The following SLC17A1 variants were observed in gnomAD, a reference collection of about 807,000 sequenced individuals.
SLC17A1 encodes the protein solute carrier family 17 member 1, also known as sodium-dependent phosphate transport protein 1.
Under a neutral mutation model 53.5 loss-of-function variants are expected in SLC17A1, and 51 were observed. The observed-to-expected ratio is 0.95, with a 90% CI of 0.76 to 1.20. The LOEUF (loss-of-function observed/expected upper bound fraction) is 1.20, where lower values mean the gene tolerates loss of function less well. Ranked by LOEUF, SLC17A1 falls within the 50% of genes most tolerant of loss-of-function variation. The probability of loss-of-function intolerance (pLI) is 0.00; values close to 1 mark genes in which losing one functional copy is unlikely to be tolerated. For synonymous variants in SLC17A1, 179 were observed against 198.8 expected, an observed-to-expected ratio of 0.90 and a Z score of 0.84; for missense variants, 538 against 568.2, an observed-to-expected ratio of 0.95 and a Z score of 0.54.
the SLC17A1 span, among the ~76,000 whole-genome samples, chr6:25,752,219 A>G: frequency 6.6e-6 from 1 of 152,252 alleles, no homozygotes; most frequent in East Asian, 1.9e-4. Context: ...AGAGCTTGCT[A>G]TACACCTAGG....
the SLC17A1 span, among the ~76,000 whole-genome samples, chr6:25,756,040 G>A: frequency 3.3e-5 from 5 of 152,106 alleles, no homozygotes; most frequent in Admixed American, 1.3e-4. Flanking sequence ...CACTTGTACA[G>A]GTGAAGAAAC....
At chr6:25,814,983 TCACACAAACACACACACACA>T (rs55993918) in intron 6 of SLC17A1, among the ~76,000 whole-genome samples, 45,349 of 140,414 alleles carry the variant, frequency 0.32, 7,666 homozygotes, top group East Asian at 0.68. Flanking sequence ...CAAGACTCTG[TCACACAAACACACACACACA>T]CACACACACA....
intron 6 of SLC17A1, among the ~76,000 whole-genome samples, chr6:25,817,781 G>C (rs1018340011): frequency 1.3e-5 from 2 of 152,168 alleles, no homozygotes; most frequent in Non-Finnish European, 2.9e-5. Flanking sequence ...AAACAGGTCT[G>C]CATTTTATTT....
chr6:25,805,041 A>G (rs1461085668), intron 10 of SLC17A1, among the ~76,000 whole-genome samples: 1 of 152,096 alleles, frequency 6.6e-6, no homozygotes, highest in African/African-American at 2.4e-5. Context: ...TGGATCTAAC[A>G]TATTTACAGA....
chr6:25,768,920 C>G, the SLC17A1 span: 3 of 1,431,866 alleles, frequency 2.1e-6, no homozygotes, highest in Non-Finnish European at 2.9e-6. Context: ...TCTCCTTCTT[C>G]CAGACTTAGG....
chr6:25,811,245 A>G (rs1228723750), intron 10 of SLC17A1, among the ~76,000 whole-genome samples, 153 bp downstream of exon 10: 1 of 152,118 alleles, frequency 6.6e-6, no homozygotes, highest in East Asian at 1.9e-4. Context: ...CACACACAAA[A>G]ATGCTAAGTG....
intron 2 of SLC17A1, among the ~76,000 whole-genome samples, chr6:25,828,138 A>C (rs1764818358): frequency 6.6e-6 from 1 of 152,222 alleles, no homozygotes; most frequent in South Asian, 2.1e-4. Context: ...ATAAAGCTAT[A>C]GACATTCCAG....
the SLC17A1 span, among the ~76,000 whole-genome samples, chr6:25,750,077 G>A: frequency 1.3e-5 from 2 of 152,204 alleles, no homozygotes; most frequent in African/African-American, 2.4e-5. Flanking sequence ...AGTGCAAGGC[G>A]TAGCATAGGG....
intron 8 of SLC17A1, among the ~76,000 whole-genome samples, chr6:25,812,247 T>A (rs1263811938): frequency 6.6e-6 from 1 of 152,186 alleles, no homozygotes; most frequent in African/African-American, 2.4e-5. Flanking sequence ...TGGAAGCTCA[T>A]TACAGAATGC....
chr6:25,809,065 C>A (rs1383053348), intron 10 of SLC17A1, among the ~76,000 whole-genome samples: 1 of 151,910 alleles, frequency 6.6e-6, no homozygotes, highest in Non-Finnish European at 1.5e-5. Context: ...TACTACTCTG[C>A]CATAAAAAAG....
intron 10 of SLC17A1, among the ~76,000 whole-genome samples, chr6:25,810,633 AC>A (rs1764121018): frequency 6.6e-6 from 1 of 152,128 alleles, no homozygotes; most frequent in African/African-American, 2.4e-5. Context: ...AAAAAGGGGA[AC>A]TTTTGCATAC....
downstream of SLC17A1, chr6:25,778,116 G>T: frequency 1.3e-6 from 1 of 791,434 alleles, no homozygotes; most frequent in South Asian, 2.0e-5. Flanking sequence ...TGCTTTTAAA[G>T]TAGTCAAAAA....
chr6:25,808,305 G>A (rs368472743), intron 10 of SLC17A1, among the ~76,000 whole-genome samples: 1 of 151,644 alleles, frequency 6.6e-6, no homozygotes, highest in African/African-American at 2.4e-5. Flanking sequence ...GTATACAAAG[G>A]CATACAGAGT....
downstream of SLC17A1, among the ~76,000 whole-genome samples, chr6:25,782,036 A>G (rs1052618815): frequency 6.6e-6 from 1 of 152,212 alleles, no homozygotes. Flanking sequence ...GTTCCTGAGA[A>G]GGTTGTGACA....
the SLC17A1 span, among the ~76,000 whole-genome samples, chr6:25,759,477 C>A: frequency 6.6e-6 from 1 of 152,136 alleles, no homozygotes. Context: ...AACTTAAGAG[C>A]TCCAGTGTTA....
At chr6:25,727,778 C>G in the SLC17A1 span, among the ~76,000 whole-genome samples, 2 of 151,962 alleles carry the variant, frequency 1.3e-5, no homozygotes, top group African/African-American at 4.8e-5. Flanking sequence ...CCAGCACTTG[C>G]AGAGGTCGAG....
intron 12 of SLC17A1, among the ~76,000 whole-genome samples, chr6:25,790,069 T>C (rs919258383): frequency 6.6e-6 from 1 of 152,122 alleles, no homozygotes; most frequent in South Asian, 2.1e-4. Context: ...TCTTAAAAAC[T>C]TTCCTGTACC....
chr6:25,769,887 G>A, the SLC17A1 span, among the ~76,000 whole-genome samples: 5 of 152,126 alleles, frequency 3.3e-5, no homozygotes, highest in African/African-American at 4.8e-5. Flanking sequence ...CAGGGTGAGC[G>A]GAAAGAGTAT....
chr6:25,736,470 G>A, the SLC17A1 span, among the ~76,000 whole-genome samples: 2,958 of 152,228 alleles, frequency 0.019, 60 homozygotes, highest in Non-Finnish European at 0.027. Flanking sequence ...TAAGGAAGAA[G>A]CATGAAATTA....
Sources: gnomAD v4.1 joint callset for allele counts (sites outside exome capture counted in the v4.1 genomes callset) on GRCh38, gnomAD v4.1.1 for gene constraint, MANE v1.5 for transcripts, NCBI Gene and HGNC (gene_info 2026-07-23, HGNC 2026-07-21) for gene names.